Variants in TEAD1 observed in about 807,000 individuals in gnomAD.
The protein encoded by TEAD1 is TEA domain transcription factor 1.
TEAD1 carries 9 observed loss-of-function variants against 54.9 expected under a neutral mutation model. That is an observed-to-expected ratio of 0.16 (90% CI 0.10 to 0.29). TEAD1 has a LOEUF of 0.29. Ranked by LOEUF, TEAD1 falls within the 10% of genes least tolerant of loss-of-function variation. The pLI is 1.00. For synonymous variants in TEAD1, 200 were observed against 187.8 expected (o/e 1.07, Z -0.53); for missense variants, 387 against 535.9 (o/e 0.72, Z 2.74).
intron 11 of TEAD1, among the ~76,000 whole-genome samples, chr11:12,927,016 G>A (rs1026291013): frequency 3.3e-5 from 5 of 152,212 alleles, no homozygotes; most frequent in African/African-American, 7.2e-5. Flanking sequence ...CTGGACAGGT[G>A]CATTTGAGAA....
intron 3 of TEAD1, among the ~76,000 whole-genome samples, chr11:12,821,466 A>G (rs1319623758): frequency 6.6e-6 from 1 of 152,198 alleles, no homozygotes; most frequent in Non-Finnish European, 1.5e-5. Context: ...TCATAATTGT[A>G]TCATAATGTG....
At chr11:12,685,433 G>A (rs1429739599) in intron 2 of TEAD1, among the ~76,000 whole-genome samples, 1 of 152,128 alleles carries the variant, frequency 6.6e-6, no homozygotes, top group Non-Finnish European at 1.5e-5. Context: ...ATCTCATAAA[G>A]AAATAAAACC....
At chr11:12,719,142 T>A (rs979844758) in intron 2 of TEAD1, among the ~76,000 whole-genome samples, 9 of 151,856 alleles carry the variant, frequency 5.9e-5, no homozygotes, top group Non-Finnish European at 8.8e-5. Flanking sequence ...CTGGCTTGGG[T>A]CATTCCCAAG....
At chr11:12,819,651 C>T (rs1041678225) in intron 3 of TEAD1, among the ~76,000 whole-genome samples, 41 of 151,970 alleles carry the variant, frequency 2.7e-4, no homozygotes, top group African/African-American at 9.4e-4. Context: ...CGGGGTTTCA[C>T]CATGTTAGCC....
At chr11:12,820,909 A>G (rs933042461) in intron 3 of TEAD1, among the ~76,000 whole-genome samples, 1 of 152,232 alleles carries the variant, frequency 6.6e-6, no homozygotes, top group African/African-American at 2.4e-5. Flanking sequence ...CATATTGTAC[A>G]TCCCAGTCTG....
chr11:12,898,672 G>T (rs1339839934), intron 9 of TEAD1, among the ~76,000 whole-genome samples: 1 of 152,174 alleles, frequency 6.6e-6, no homozygotes, highest in Non-Finnish European at 1.5e-5. Context: ...GGGATTACAG[G>T]TGTGAGCCAC....
At chr11:12,707,114 C>CTTTTTTTTTTTTTTTTTT (rs11366620) in intron 2 of TEAD1, among the ~76,000 whole-genome samples, 1 of 76,282 alleles carries the variant, frequency 1.3e-5, no homozygotes, top group Non-Finnish European at 2.5e-5. Flanking sequence ...ACTTGTGGGA[C>CTTTTTTTTTTTTTTTTTT]TTTTTTTTTT....
At chr11:12,677,155 GT>G (rs1030598614) in intron 2 of TEAD1, among the ~76,000 whole-genome samples, 5 of 151,746 alleles carry the variant, frequency 3.3e-5, no homozygotes, top group East Asian at 1.9e-4. Context: ...GGGTTGGAGG[GT>G]TTTTTTTCTT....
intron 3 of TEAD1, among the ~76,000 whole-genome samples, chr11:12,777,754 T>C (rs1019248150): frequency 3.3e-5 from 5 of 152,340 alleles, no homozygotes; most frequent in African/African-American, 1.2e-4. Context: ...GATATGATCC[T>C]GATTATGAAA....
chr11:12,743,311 C>G (rs1389108035), intron 2 of TEAD1, among the ~76,000 whole-genome samples: 2 of 152,114 alleles, frequency 1.3e-5, no homozygotes, highest in Non-Finnish European at 2.9e-5. Context: ...TACAGGTAAA[C>G]CAATACGAGG....
chr11:12,888,466 G>A (rs1004752909), intron 9 of TEAD1, among the ~76,000 whole-genome samples: 2 of 152,116 alleles, frequency 1.3e-5, no homozygotes, highest in African/African-American at 4.8e-5. Context: ...CTGAGATCAC[G>A]CCACTGCACT....
chr11:12,812,831 C>T (rs1348483329), intron 3 of TEAD1, among the ~76,000 whole-genome samples: 4 of 152,160 alleles, frequency 2.6e-5, no homozygotes, highest in Non-Finnish European at 4.4e-5. Flanking sequence ...TAAATCACCC[C>T]TAATGGTCCT....
At chr11:12,904,171 C>T (rs1046496417) in intron 10 of TEAD1, among the ~76,000 whole-genome samples, 1 of 152,072 alleles carries the variant, frequency 6.6e-6, no homozygotes, top group East Asian at 1.9e-4. Context: ...TGAATCAGAG[C>T]AGTGGCTTTG....
At chr11:12,866,665 A>G (rs1053875739) in intron 5 of TEAD1, among the ~76,000 whole-genome samples, 4 of 152,232 alleles carry the variant, frequency 2.6e-5, no homozygotes, top group African/African-American at 9.6e-5. Context: ...AGACAGAAAC[A>G]GAAGCAGTAG....
chr11:12,678,032 T>C (rs1408000830), intron 2 of TEAD1, among the ~76,000 whole-genome samples: 2 of 152,228 alleles, frequency 1.3e-5, no homozygotes, highest in Non-Finnish European at 2.9e-5. Flanking sequence ...ATAACACTTT[T>C]AAGCTCCATT....
intron 5 of TEAD1, among the ~76,000 whole-genome samples, chr11:12,868,531 C>T (rs1017040237): frequency 2.2e-4 from 34 of 152,218 alleles, no homozygotes; most frequent in African/African-American, 7.7e-4. Flanking sequence ...ACAAAAGTTA[C>T]TCTCCTGAAA....
intron 9 of TEAD1, among the ~76,000 whole-genome samples, chr11:12,891,211 T>G (rs1948191444): frequency 6.6e-6 from 1 of 152,242 alleles, no homozygotes; most frequent in Non-Finnish European, 1.5e-5. Flanking sequence ...ACTGCTACTA[T>G]TCTCTTATGA....
intron 12 of TEAD1, among the ~76,000 whole-genome samples, chr11:12,932,446 A>G (rs1289336130): frequency 1.3e-5 from 2 of 152,114 alleles, no homozygotes; most frequent in African/African-American, 4.8e-5. Context: ...ATTAAAAATC[A>G]ATTCTGATTC....
In TEAD1 at chr11:12,894,457, C is replaced by T. The variant is rs991827208; in HGVS notation, c.700-7483C>T. On this transcript the variant is annotated intron_variant, in intron 9 of 12. Transcript: ENST00000527636. ...AAAAAGAGAAAAAAGCCCCAGTGAC[C>T]ACTGTTGGAAGTTGTACTGTTGTGG... Among the ~76,000 whole-genome samples the T allele has an allele frequency of 4.6e-5, 7 of 152,154 alleles. No individual in the cohort carries two copies. In the South Asian group the frequency reaches 8.3e-4, roughly 18 times the overall value.
Sources: allele counts gnomAD v4.1 joint callset (sites outside exome capture counted in the v4.1 genomes callset), GRCh38; gene constraint gnomAD v4.1.1; transcripts MANE v1.5; gene names NCBI Gene and HGNC (gene_info 2026-07-23, HGNC 2026-07-21).